Variants in ADAMTSL1 observed in about 807,000 individuals in gnomAD.
The protein encoded by ADAMTSL1 is ADAMTS-like protein 1.
A neutral mutation model predicts 201.8 loss-of-function variants in ADAMTSL1; 126 were observed. That is an observed-to-expected ratio of 0.62 (90% confidence interval 0.54 to 0.72). The LOEUF is 0.72. Ranked by LOEUF, ADAMTSL1 falls within the 30% of genes least tolerant of loss-of-function variation. The pLI, the probability that ADAMTSL1 is intolerant of heterozygous loss-of-function variation, is 0.00. For synonymous variants in ADAMTSL1, 1,121 were observed against 903.4 expected (o/e 1.24, Z -4.32); for missense variants, 2,679 against 2,277.8 (o/e 1.18, Z -3.59).
intron 8 of ADAMTSL1, among the ~76,000 whole-genome samples, chr9:18,660,149 T>G (rs925463409): frequency 6.6e-5 from 10 of 152,214 alleles, no homozygotes; most frequent in Admixed American, 3.3e-4. Context: ...GTATCAAATC[T>G]TGCTTCAAAG....
chr9:18,714,161 T>C (rs575442250), intron 14 of ADAMTSL1, among the ~76,000 whole-genome samples: 41 of 152,134 alleles, frequency 2.7e-4, no homozygotes, highest in Middle Eastern at 3.4e-3. Context: ...AGATCCAAAA[T>C]TGACACCCTA....
At chr9:18,171,265 GGAT>G (rs1827876113) in intron 2 of ADAMTSL1, among the ~76,000 whole-genome samples, 1 of 151,946 alleles carries the variant, frequency 6.6e-6, no homozygotes, top group African/African-American at 2.4e-5. Context: ...AATTGGTAAA[GGAT>G]GTAATAAATG....
intron 23 of ADAMTSL1, among the ~76,000 whole-genome samples, chr9:18,883,540 A>AT (rs1466686922): frequency 1.3e-5 from 2 of 152,102 alleles, no homozygotes; most frequent in Non-Finnish European, 2.9e-5. Context: ...TGTCTCCAGA[A>AT]TTTTTTCATC....
intron 1 of ADAMTSL1, among the ~76,000 whole-genome samples, chr9:17,931,853 C>T (rs1826805838): frequency 6.6e-6 from 1 of 152,128 alleles, no homozygotes; most frequent in Non-Finnish European, 1.5e-5. Context: ...CTCCCAAATC[C>T]ATGGATCTGT....
At chr9:17,990,508 T>A (rs927803434) in intron 1 of ADAMTSL1, among the ~76,000 whole-genome samples, 1 of 152,236 alleles carries the variant, frequency 6.6e-6, no homozygotes, top group East Asian at 1.9e-4. Flanking sequence ...GAGATTTTTT[T>A]TCACCTTTTC....
chr9:18,517,518 C>T (rs570224013), intron 2 of ADAMTSL1, among the ~76,000 whole-genome samples: 1 of 151,534 alleles, frequency 6.6e-6, no homozygotes, highest in East Asian at 2.0e-4. Flanking sequence ...GCTGCACCCA[C>T]GAACTCGTCA....
intron 14 of ADAMTSL1, among the ~76,000 whole-genome samples, chr9:18,719,192 T>C (rs1435681970): frequency 4.6e-5 from 7 of 152,178 alleles, no homozygotes; most frequent in Non-Finnish European, 1.0e-4. Context: ...TGGAATAATT[T>C]GAATGTCTAA....
At chr9:18,223,592 ATTTG>A (rs966095685) in intron 2 of ADAMTSL1, among the ~76,000 whole-genome samples, 5 of 152,164 alleles carry the variant, frequency 3.3e-5, no homozygotes, top group East Asian at 3.9e-4. Flanking sequence ...TAGAAATTCA[ATTTG>A]TTTATTTTTC....
intron 2 of ADAMTSL1, among the ~76,000 whole-genome samples, chr9:18,308,742 A>C (rs142013819): frequency 6.6e-6 from 1 of 152,292 alleles, no homozygotes; most frequent in African/African-American, 2.4e-5. Flanking sequence ...TTCACAGCCG[A>C]ATTCTACCAG....
chr9:18,764,917 T>C (rs1442996349), intron 16 of ADAMTSL1, among the ~76,000 whole-genome samples: 1 of 152,228 alleles, frequency 6.6e-6, no homozygotes, highest in Non-Finnish European at 1.5e-5. Context: ...TCAAGTCCTA[T>C]CTGCAAACTG....
intron 2 of ADAMTSL1, among the ~76,000 whole-genome samples, chr9:18,463,156 T>C (rs139655851): frequency 6.6e-6 from 1 of 152,220 alleles, no homozygotes; most frequent in East Asian, 1.9e-4. Flanking sequence ...GATGGCATTG[T>C]TGAAGTAGCA....
rs184583375 is a variant in ADAMTSL1 at position 18,309,202 on chromosome 9, T to G, written c.207+145221T>G. On this transcript the variant is annotated intron_variant, in intron 2 of 29. Transcript: ENST00000680146. ...AAATGTATCTCAAAATAATAAGAGC[T>G]GTTTTTGACAAACCCACAGCCAATA... is the stretch of plus-strand genomic sequence containing the variant. 7.5e-4 allele frequency among the ~76,000 whole-genome samples: 114 copies of G among 152,288 alleles called. 1 individual carries two copies. The highest frequency in any genetic ancestry group is 2.6e-3 in the African/African-American group (110 of 41,564).
intron 2 of ADAMTSL1, among the ~76,000 whole-genome samples, chr9:18,336,495 T>C (rs1835248359): frequency 6.6e-6 from 1 of 152,122 alleles, no homozygotes. Flanking sequence ...CATACAATGT[T>C]GAAGATAACA....
intron 9 of ADAMTSL1, among the ~76,000 whole-genome samples, chr9:18,670,359 C>A (rs538234846): frequency 1.3e-5 from 2 of 152,228 alleles, no homozygotes; most frequent in South Asian, 4.1e-4. Context: ...TGGGAGATAG[C>A]CAATGAAAAG....
Position 18,896,572 on chromosome 9 carries a change from C to T in ADAMTSL1, c.4851+3976C>T, listed in dbSNP as rs113995064. Among the ~76,000 whole-genome samples the T allele has an allele frequency of 3.1e-3, 475 of 152,242 alleles. 3 individuals carry two copies. The highest frequency in any genetic ancestry group is 9.5e-3 in the African/African-American group (394 of 41,536). On this transcript the variant is annotated intron_variant, in intron 26 of 28. Transcript: ENST00000380548. ...GGGACTGACTAGGCAATCAACTTGACCCATGGAGAATGAAGAAAAGCTGGG... is the reference window on the plus strand; with the variant it reads ...GGGACTGACTAGGCAATCAACTTGATCCATGGAGAATGAAGAAAAGCTGGG...
chr9:18,764,432 T>A (rs1222511153), intron 16 of ADAMTSL1, among the ~76,000 whole-genome samples: 1 of 152,230 alleles, frequency 6.6e-6, no homozygotes, highest in Non-Finnish European at 1.5e-5. Flanking sequence ...GATCATATCA[T>A]CTGCAAACAA....
At chr9:18,728,791 G>A (rs953350100) in intron 15 of ADAMTSL1, among the ~76,000 whole-genome samples, 1 of 152,210 alleles carries the variant, frequency 6.6e-6, no homozygotes, top group African/African-American at 2.4e-5. Flanking sequence ...GTGTTAGAGA[G>A]TGGACGGAGG....
chr9:18,891,954 T>A (rs1197967751), intron 25 of ADAMTSL1, among the ~76,000 whole-genome samples: 1 of 152,210 alleles, frequency 6.6e-6, no homozygotes, highest in Non-Finnish European at 1.5e-5. Flanking sequence ...ATCAGGAGGA[T>A]CACATCACCT....
At chr9:18,491,078 C>T (rs558364448) in intron 1 of ADAMTSL1, among the ~76,000 whole-genome samples, 11 of 152,238 alleles carry the variant, frequency 7.2e-5, no homozygotes, top group African/African-American at 2.6e-4. Flanking sequence ...CTTAATAGCT[C>T]AAAGAATGCT....
Sources: allele counts gnomAD v4.1 joint callset (sites outside exome capture counted in the v4.1 genomes callset), GRCh38; gene constraint gnomAD v4.1.1; transcripts MANE v1.5; gene names NCBI Gene and HGNC (gene_info 2026-07-23, HGNC 2026-07-21).